PCSK6: variants seen among roughly 807,000 people sequenced by gnomAD.
PCSK6 encodes the protein proprotein convertase subtilisin/kexin type 6.
In PCSK6, 85 loss-of-function variants were observed where a neutral mutation model predicts 123.3. The ratio of observed to expected loss-of-function variants is 0.69; its 90% CI spans 0.58 to 0.83. PCSK6 has a LOEUF of 0.83. Ranked by LOEUF, PCSK6 falls within the 40% of genes least tolerant of loss-of-function variation. PCSK6 has a pLI of 0.00. For synonymous variants in PCSK6, 508 were observed against 516.0 expected, an observed-to-expected ratio of 0.98 and a Z score of 0.21; for missense variants, 1,191 against 1,282.3, an observed-to-expected ratio of 0.93 and a Z score of 1.09.
intron 11 of PCSK6, among the ~76,000 whole-genome samples, chr15:101,376,216 C>T (rs1264824737): frequency 6.6e-6 from 1 of 152,142 alleles, no homozygotes; most frequent in Non-Finnish European, 1.5e-5. Context: ...CCTCAGCCTC[C>T]CGAGTAGCTA....
chr15:101,443,715 A>G, intron 1 of PCSK6, 55 bp from the exon 2 acceptor site: 1 of 1,292,182 alleles, frequency 7.7e-7, no homozygotes, highest in Admixed American at 1.7e-5. Context: ...ACAGCTTCCA[A>G]AATCTTCCAC....
intron 11 of PCSK6, among the ~76,000 whole-genome samples, chr15:101,377,300 C>CA (rs941423999): frequency 2.0e-5 from 3 of 152,192 alleles, no homozygotes; most frequent in Non-Finnish European, 2.9e-5. Flanking sequence ...TAGCTCCTGG[C>CA]ACAGAGGTCA....
At chr15:101,324,781 A>C in intron 17 of PCSK6, 69 bp downstream of exon 17, 2 of 1,314,730 alleles carry the variant, frequency 1.5e-6, no homozygotes, top group Non-Finnish European at 2.1e-6. Flanking sequence ...TTCTCCCTGG[A>C]GAGAGGACAC....
chr15:101,367,509 C>T (rs2041436497), intron 12 of PCSK6, among the ~76,000 whole-genome samples: 1 of 152,146 alleles, frequency 6.6e-6, no homozygotes, highest in Admixed American at 6.5e-5. Flanking sequence ...GGGAAGCATC[C>T]TGTGCTTTCT....
intron 10 of PCSK6, 54 bp from the exon 11 acceptor site, chr15:101,382,263 G>GC: frequency 7.3e-7 from 1 of 1,365,416 alleles, no homozygotes. Flanking sequence ...CAGGAAGGGA[G>GC]CAAGGCTGGC....
chr15:101,348,199 C>T (rs1162918905), intron 13 of PCSK6, among the ~76,000 whole-genome samples: 2 of 152,228 alleles, frequency 1.3e-5, no homozygotes, highest in Admixed American at 6.5e-5. Context: ...GCTGCTCCTC[C>T]CCGGTGGGAA....
chr15:101,463,650 T>C (rs934303836), intron 1 of PCSK6, among the ~76,000 whole-genome samples: 1 of 152,174 alleles, frequency 6.6e-6, no homozygotes, highest in African/African-American at 2.4e-5. Flanking sequence ...CTGGGATAGT[T>C]GCCTTTCTGG....
At chr15:101,320,969 C>T (rs1252545048) in intron 18 of PCSK6, among the ~76,000 whole-genome samples, 1 of 152,210 alleles carries the variant, frequency 6.6e-6, no homozygotes, top group East Asian at 1.9e-4. Flanking sequence ...TATCCGATTT[C>T]CCTCTCCTAC....
At chr15:101,418,520 A>AT (rs749644480) in intron 6 of PCSK6, among the ~76,000 whole-genome samples, 7,340 of 136,556 alleles carry the variant, frequency 0.054, 571 homozygotes, top group African/African-American at 0.17. Context: ...CCAATTTAGG[A>AT]TTTTTTTTTT....
intron 2 of PCSK6, among the ~76,000 whole-genome samples, chr15:101,433,582 G>C (rs926282228): frequency 6.6e-6 from 1 of 152,254 alleles, no homozygotes; most frequent in Non-Finnish European, 1.5e-5. Context: ...AGGGCAGGCT[G>C]CCTGGAGGAG....
Position 101,307,240 on chromosome 15 carries a change from A to C in PCSK6, c.2785T>G (p.Cys929Gly), listed in dbSNP as rs1446136883. 6.2e-7 allele frequency: 1 copy of C among 1,613,534 alleles called. No individual in the cohort carries two copies. Among genetic ancestry groups the C allele is most frequent in the Non-Finnish European group, 8.5e-7 (1 of 1,179,708 alleles). Residue 929 changes from cysteine (C) to glycine (G), a missense_variant, in exon 21 of 22, where the codon TGC becomes GGC. By Grantham distance (159) the Cys-to-Gly change is radical (BLOSUM62 -3). This residue lies in a region of PCSK6 where 630 missense variants were observed against 631.4 expected (regional missense o/e 1.00). Transcript: ENST00000611716. ...TTGCTGCACGTGTGGTTGGTGATGC[A>C]GGAGGTCCCCAGCTGTGTGAAGCCC... ...KTGFTQLGTSCITNHTCSNAD... is the reference protein window; with the variant it reads ...KTGFTQLGTSGITNHTCSNAD...
chr15:101,344,012 G>A (rs2040676248), intron 13 of PCSK6, among the ~76,000 whole-genome samples: 1 of 151,942 alleles, frequency 6.6e-6, no homozygotes, highest in Admixed American at 6.6e-5. Flanking sequence ...GGAGGCGGAG[G>A]TTGCAGTGAG....
chr15:101,483,097 C>G (rs1417266184), intron 1 of PCSK6, among the ~76,000 whole-genome samples: 2 of 152,240 alleles, frequency 1.3e-5, no homozygotes, highest in Non-Finnish European at 2.9e-5. Flanking sequence ...CAGCCGCGCA[C>G]AGCCAGTCCA....
chr15:101,416,011 GAA>G (rs1196161443), intron 6 of PCSK6, among the ~76,000 whole-genome samples: 1 of 152,216 alleles, frequency 6.6e-6, no homozygotes, highest in South Asian at 2.1e-4. Context: ...GGGCATTGCT[GAA>G]AAGATACCCC....
intron 1 of PCSK6, among the ~76,000 whole-genome samples, chr15:101,448,676 G>C (rs900395046): frequency 6.6e-6 from 1 of 152,268 alleles, no homozygotes; most frequent in Non-Finnish European, 1.5e-5. Flanking sequence ...CTGAGGCACA[G>C]AGCAGTGAAA....
chr15:101,483,652 C>T (rs1183839030), intron 1 of PCSK6, among the ~76,000 whole-genome samples: 1 of 152,240 alleles, frequency 6.6e-6, no homozygotes, highest in South Asian at 2.1e-4. Context: ...CCTCTCCACA[C>T]AAGCAACTTG....
intron 15 of PCSK6, among the ~76,000 whole-genome samples, chr15:101,330,088 C>A (rs1052515526): frequency 1.3e-5 from 2 of 152,240 alleles, no homozygotes; most frequent in African/African-American, 4.8e-5. Context: ...CCAGACGGCT[C>A]TGGCCTAGCA....
intron 1 of PCSK6, among the ~76,000 whole-genome samples, chr15:101,488,923 C>T (rs1331103349): frequency 1.3e-5 from 2 of 149,892 alleles, no homozygotes; most frequent in East Asian, 2.0e-4. Flanking sequence ...GAGCTCGCGC[C>T]GCCCGTCGAG....
intron 1 of PCSK6, among the ~76,000 whole-genome samples, chr15:101,445,434 C>G (rs758293964): frequency 2.0e-5 from 3 of 152,162 alleles, no homozygotes; most frequent in Non-Finnish European, 2.9e-5. Context: ...AGTAAGTGCT[C>G]GATACACGGT....
Sources: gnomAD v4.1 joint callset for allele counts (sites outside exome capture counted in the v4.1 genomes callset) on GRCh38, gnomAD v4.1.1 for gene constraint, gnomAD v4.1.1 regional missense constraint, MANE v1.5 for transcripts, NCBI Gene and HGNC (gene_info 2026-07-23, HGNC 2026-07-21) for gene names.